Variants in RASGRF1 observed in about 807,000 individuals in gnomAD.
RASGRF1 encodes Ras protein specific guanine nucleotide releasing factor 1.
In RASGRF1, 40 loss-of-function variants were observed where a neutral mutation model predicts 138.7. That is an observed-to-expected ratio of 0.29 (90% CI 0.22 to 0.38). RASGRF1 has a LOEUF of 0.38. Among genes scored for constraint, RASGRF1 ranks in the 10% least tolerant of loss-of-function variants. The probability of loss-of-function intolerance (pLI) is 1.00; values close to 1 mark genes in which losing one functional copy is unlikely to be tolerated. For missense variants in RASGRF1, 1,108 were observed against 1,650.4 expected, an observed-to-expected ratio of 0.67 and a Z score of 5.69; for synonymous variants, 614 against 663.2, an observed-to-expected ratio of 0.93 and a Z score of 1.14.
intron 1 of RASGRF1, among the ~76,000 whole-genome samples, chr15:79,087,419 A>G (rs1344321226): frequency 6.6e-6 from 1 of 152,236 alleles, no homozygotes; most frequent in East Asian, 1.9e-4. Flanking sequence ...CTATTCCTTC[A>G]AAAACCATCC....
chr15:79,072,298 C>T (rs1449862028), intron 1 of RASGRF1, among the ~76,000 whole-genome samples: 3 of 29,374 alleles, frequency 1.0e-4, no homozygotes, highest in East Asian at 3.0e-3. Context: ...TTTTTTGAGA[C>T]GCAGTCTCAC....
At chr15:78,988,924 C>T (rs2056216402) in intron 22 of RASGRF1, among the ~76,000 whole-genome samples, 2 of 149,188 alleles carry the variant, frequency 1.3e-5, no homozygotes, top group South Asian at 4.3e-4. Context: ...AGTTAGGAGA[C>T]CTCAGCATTT....
chr15:79,031,693 G>C (rs1018468122), intron 7 of RASGRF1, among the ~76,000 whole-genome samples, 184 bp from the exon 8 acceptor site: 2 of 146,046 alleles, frequency 1.4e-5, no homozygotes, highest in African/African-American at 5.1e-5. Flanking sequence ...GGGGAAAGGG[G>C]GAGAGAGAGA....
intron 1 of RASGRF1, among the ~76,000 whole-genome samples, chr15:79,082,385 T>C (rs2141103990): frequency 6.6e-6 from 1 of 152,318 alleles, no homozygotes. Flanking sequence ...GAGGGGACCA[T>C]GGAGGCTGGT....
intron 1 of RASGRF1, among the ~76,000 whole-genome samples, chr15:79,069,889 C>T (rs2057731889): frequency 6.6e-6 from 1 of 152,200 alleles, no homozygotes; most frequent in Non-Finnish European, 1.5e-5. Flanking sequence ...ATCCCACAAC[C>T]TAGCTTTCAC....
chr15:78,998,953 T>A, intron 17 of RASGRF1, 128 bp from the exon 18 acceptor site: 1 of 681,392 alleles, frequency 1.5e-6, no homozygotes, highest in Non-Finnish European at 2.7e-6. Flanking sequence ...GGCAGGGGGA[T>A]AACAACATGT....
intron 2 of RASGRF1, among the ~76,000 whole-genome samples, chr15:79,060,641 T>G (rs2057591446): frequency 1.3e-5 from 2 of 152,180 alleles, no homozygotes; most frequent in South Asian, 4.1e-4. Context: ...CATAAGCACA[T>G]GATGAACTGT....
intron 24 of RASGRF1, among the ~76,000 whole-genome samples, chr15:78,976,255 G>A (rs893815888): frequency 6.6e-6 from 1 of 152,152 alleles, no homozygotes; most frequent in African/African-American, 2.4e-5. Flanking sequence ...CCCAGCCCCA[G>A]TACTAACCTC....
rs71148584 is a variant in RASGRF1, at chr15:78,978,220, G to GTTTTTTTT, written c.3494+2392_3494+2399dup. Among the ~76,000 whole-genome samples, 20 of 125,096 alleles carry GTTTTTTTT rather than the reference G, an allele frequency of 1.6e-4. 2 individuals carry two copies. The highest frequency in any genetic ancestry group is 6.8e-4 in the African/African-American group (17 of 24,820). 82.1% of individuals were successfully genotyped at this position (125,096 alleles called of 152,430 possible). ...CTTCTTTTTCTTTTTCTTTTCTTTT[G>GTTTTTTTT]TTTTTTTTTTTTTTTTTTTTTTTTG... On this transcript the variant is annotated intron_variant, in intron 24 of 26. Coordinates refer to ENST00000558480, the MANE Select transcript of RASGRF1 (RefSeq NM_001145648.3).
rs1433062827 is a variant in RASGRF1, at chr15:79,006,080, C to T, written c.2075+106G>A. On this transcript the variant is annotated intron_variant, in intron 14 of 26. Transcript: ENST00000558480. This position sits in a 1 kb window ranked among gnomAD's most constrained non-coding sequence, Gnocchi z 4.0. ...GCAGCACCCCAACACGTTACTGCTG[C>T]TCCTCCAGGGACCTTCCAGGTCACC... 2.0e-6 allele frequency: 3 copies of T among 1,494,042 alleles called. No homozygotes were observed. In the East Asian group the frequency reaches 6.8e-5, roughly 34 times the overall value. The allele number at this position is 1,494,042 out of a possible 1,614,324, so 92.5% of individuals were successfully genotyped here. A position where few individuals can be genotyped will look rare whatever the true frequency, so the allele number is the denominator to read the frequency against.
At chr15:79,069,512 A>G (rs565096363) in intron 1 of RASGRF1, among the ~76,000 whole-genome samples, 2 of 152,362 alleles carry the variant, frequency 1.3e-5, no homozygotes, top group Non-Finnish European at 2.9e-5. Context: ...TATAAGTGAT[A>G]GAATTTTCTC....
At chr15:79,047,115 G>A (rs1567573180) in intron 4 of RASGRF1, 116 bp from the exon 5 acceptor site, 2 of 1,300,344 alleles carry the variant, frequency 1.5e-6, no homozygotes, top group East Asian at 4.9e-5. Flanking sequence ...TCCTACGCCG[G>A]GCATGTAGCA....
intron 1 of RASGRF1, 76 bp downstream of exon 1, chr15:79,090,147 T>A: frequency 6.8e-7 from 1 of 1,460,300 alleles, no homozygotes; most frequent in South Asian, 1.4e-5. Context: ...TCAAGCGCCA[T>A]CAGCCAGCCG....
chr15:78,992,271 T>G (rs1850151375), intron 20 of RASGRF1, among the ~76,000 whole-genome samples: 1 of 152,234 alleles, frequency 6.6e-6, no homozygotes, highest in African/African-American at 2.4e-5. Flanking sequence ...CAGGCGTGAT[T>G]AGCTCCTGGG....
chr15:79,066,649 C>G (rs564602998), intron 1 of RASGRF1, among the ~76,000 whole-genome samples: 71 of 152,342 alleles, frequency 4.7e-4, no homozygotes, highest in African/African-American at 1.5e-3. Flanking sequence ...AGACTTCTTC[C>G]CAATCAGCCC....
intron 4 of RASGRF1, among the ~76,000 whole-genome samples, chr15:79,047,253 GTGTGGTCCACAAAT>G (rs534846091): frequency 2.4e-3 from 249 of 105,332 alleles, no homozygotes; most frequent in Non-Finnish European, 4.4e-3. Context: ...TAGACTGAAA[GTGTGGTCCACAAAT>G]TGGATCGGCA....
chr15:78,974,626 C>T (rs1056607601), intron 24 of RASGRF1, among the ~76,000 whole-genome samples: 3 of 152,158 alleles, frequency 2.0e-5, no homozygotes, highest in African/African-American at 7.2e-5. Flanking sequence ...TGGATTTTTA[C>T]TTTTTTCCCT....
At chr15:79,012,007 C>A (rs554983924) in intron 13 of RASGRF1, among the ~76,000 whole-genome samples, 1 of 151,638 alleles carries the variant, frequency 6.6e-6, no homozygotes, top group Non-Finnish European at 1.5e-5. Context: ...CAGAGCGAGA[C>A]CCTGTCTCAA....
rs2057072783 is a variant in RASGRF1 at position 79,027,263 on chromosome 15, C to T, written c.1381+478G>A. 6.6e-6 allele frequency among the ~76,000 whole-genome samples: 1 copy of T among 152,082 alleles called. No individual in the cohort carries two copies. The highest frequency in any genetic ancestry group is 2.1e-4 in the South Asian group (1 of 4,778). On this transcript the variant is annotated intron_variant, in intron 9 of 26. Transcript: ENST00000558480. The surrounding 1 kb of genome is among the most constrained non-coding windows in gnomAD (Gnocchi z 4.8). ...AGCGAGGCTGAAGCTTGGGAAAGAC[C>T]TTCTACCCATGAGAACCACTGTGAA... is the stretch of plus-strand genomic sequence containing the variant.
Sources: allele counts gnomAD v4.1 joint callset (sites outside exome capture counted in the v4.1 genomes callset), GRCh38; gene constraint gnomAD v4.1.1; non-coding constraint Gnocchi (gnomAD v3.1); transcripts MANE v1.5; gene names NCBI Gene and HGNC (gene_info 2026-07-23, HGNC 2026-07-21).